Variants in KPNA7 observed in about 807,000 individuals in gnomAD.
KPNA7 encodes karyopherin subunit alpha 7.
KPNA7 carries 54 observed loss-of-function variants against 53.7 expected under a neutral mutation model. The observed-to-expected ratio is 1.01, with a 90% CI of 0.81 to 1.26. The LOEUF (loss-of-function observed/expected upper bound fraction) is 1.26, where lower values mean the gene tolerates loss of function less well. Among genes scored for constraint, KPNA7 ranks in the 50% most tolerant of loss-of-function variants. The probability of loss-of-function intolerance (pLI) is 0.00; values close to 1 mark genes in which losing one functional copy is unlikely to be tolerated. For missense variants in KPNA7, 640 were observed against 644.5 expected (o/e 0.99, Z 0.07); for synonymous variants, 276 against 259.3 (o/e 1.06, Z -0.62).
rs1299140611 is a variant in KPNA7, at chr7:99,177,999, C to G, written c.1385G>C (p.Arg462Thr). ...CTCATGCAGCTGTAAAGCCTCAATTCTATCGATCCCACCAAGTTCTTCTAT... is the reference window on the plus strand; with the variant it reads ...CTCATGCAGCTGTAAAGCCTCAATTGTATCGATCCCACCAAGTTCTTCTAT... ...LLIEELGGIDRIEALQLHENR... is the reference protein window; with the variant it reads ...LLIEELGGIDTIEALQLHENR... Residue 462 changes from arginine to threonine, a missense_variant, in exon 10 of 11, where the codon AGA (arginine) becomes ACA (threonine). Arg to Thr is a moderately conservative substitution (Grantham distance 71). Coordinates refer to ENST00000327442, the MANE Select transcript of KPNA7 (RefSeq NM_001145715.3). 4 of 1,551,860 alleles carry G rather than the reference C, an allele frequency of 2.6e-6. No individual in the cohort carries two copies. The highest frequency in any genetic ancestry group is 2.6e-6 in the Non-Finnish European group (3 of 1,147,036).
chr7:99,178,197 C>G (rs1798993737), intron 9 of KPNA7, 131 bp from the exon 10 acceptor site: 2 of 751,416 alleles, frequency 2.7e-6, no homozygotes, highest in Admixed American at 6.0e-5. Context: ...TGGATAGTTG[C>G]AATTTCACTT....
chr7:99,170,309 G>A (rs1404705011), downstream of KPNA7, among the ~76,000 whole-genome samples: 2 of 152,014 alleles, frequency 1.3e-5, no homozygotes, highest in African/African-American at 4.8e-5. Context: ...TGAAGAAGGA[G>A]GCTTGAAAAG....
chr7:99,155,556 T>G, the KPNA7 span, among the ~76,000 whole-genome samples: 1 of 151,972 alleles, frequency 6.6e-6, no homozygotes, highest in African/African-American at 2.4e-5. Flanking sequence ...AAGAAACAGA[T>G]TTATGGGGTT....
In KPNA7 at chr7:99,184,950, G is replaced by A; in HGVS notation, c.1113C>T (p.Pro371=). 2 of 1,552,030 alleles carry A rather than the reference G, an allele frequency of 1.3e-6. No individual in the cohort carries two copies. Among genetic ancestry groups the A allele is most frequent in the South Asian group, 1.2e-5 (1 of 84,062 alleles). ...TTACGTTTTTTAGCAGAGCCACCAA[G>A]GGAGGCAAGACGTCGTAGGCAAGCA... is the stretch of plus-strand genomic sequence containing the variant. ...QQLLAYDVLP[P]LVALLKNGEF... The change falls in exon 8 of 11, where the codon CCC becomes CCT. Residue 371 remains proline (P), a synonymous_variant. Coordinates refer to ENST00000327442, the MANE Select transcript of KPNA7 (RefSeq NM_001145715.3).
intron 1 of KPNA7, among the ~76,000 whole-genome samples, chr7:99,214,429 C>A (rs939699500): frequency 6.8e-6 from 1 of 147,530 alleles, no homozygotes. Context: ...GGTGACAGAG[C>A]AAGACCCTAT....
chr7:99,183,056 G>A (rs1027277062), intron 8 of KPNA7, among the ~76,000 whole-genome samples: 1 of 152,128 alleles, frequency 6.6e-6, no homozygotes, highest in Admixed American at 6.6e-5. Context: ...AGGTGTTAGA[G>A]ACTAGCCTGG....
chr7:99,196,704 A>G (rs1790246951), intron 3 of KPNA7, among the ~76,000 whole-genome samples: 1 of 151,814 alleles, frequency 6.6e-6, no homozygotes, highest in East Asian at 1.9e-4. Context: ...CCAACAGTCC[A>G]CAATCATTGT....
intron 5 of KPNA7, among the ~76,000 whole-genome samples, chr7:99,193,659 T>C (rs1157803089): frequency 2.0e-5 from 3 of 151,196 alleles, no homozygotes; most frequent in Non-Finnish European, 4.4e-5. Flanking sequence ...TTTTTCCTCC[T>C]GCAGCCTTTT....
intron 9 of KPNA7, among the ~76,000 whole-genome samples, chr7:99,181,096 C>T (rs1176562259): frequency 7.2e-5 from 1 of 13,840 alleles, no homozygotes; most frequent in African/African-American, 1.5e-4. Flanking sequence ...TCTCTCTCTC[C>T]GTCTGTGTCT....
upstream of KPNA7, among the ~76,000 whole-genome samples, chr7:99,212,708 G>A (rs1396002834): frequency 6.6e-6 from 1 of 151,746 alleles, no homozygotes; most frequent in African/African-American, 2.4e-5. Flanking sequence ...TCAGCAAAAT[G>A]GTGAGACCCT....
downstream of KPNA7, among the ~76,000 whole-genome samples, chr7:99,170,785 A>G (rs1429573759): frequency 6.6e-6 from 1 of 152,180 alleles, no homozygotes; most frequent in Non-Finnish European, 1.5e-5. Flanking sequence ...GAGACAGGGG[A>G]AGAGAGTCAT....
intron 1 of KPNA7, among the ~76,000 whole-genome samples, chr7:99,216,926 T>C (rs1584328230): frequency 6.6e-6 from 1 of 152,182 alleles, no homozygotes; most frequent in Admixed American, 6.5e-5. Flanking sequence ...TTATTAACGG[T>C]ATTGAGTCGC....
intron 10 of KPNA7, among the ~76,000 whole-genome samples, chr7:99,176,837 G>T (rs561490043): frequency 3.3e-5 from 5 of 152,006 alleles, no homozygotes; most frequent in Non-Finnish European, 7.4e-5. Context: ...CAACCATTGC[G>T]GCCATTGCCT....
At chr7:99,175,285 C>T (rs73147644) in intron 10 of KPNA7, among the ~76,000 whole-genome samples, 325 of 152,230 alleles carry the variant, frequency 2.1e-3, no homozygotes, top group Middle Eastern at 3.4e-3. Context: ...TCAAGCAATC[C>T]TCCCACTGTA....
chr7:99,192,281 G>A (rs1352818631), intron 6 of KPNA7, among the ~76,000 whole-genome samples: 2 of 152,174 alleles, frequency 1.3e-5, no homozygotes, highest in Admixed American at 1.3e-4. Context: ...GGAGATTTCA[G>A]TCATCTATTT....
chr7:99,203,336 A>G lies in KPNA7; in HGVS notation c.67-96T>C, dbSNP rs1790646204. On this transcript the variant is annotated intron_variant, in intron 2 of 10. Transcript: ENST00000327442. ...TTTCAAAGCATCCAATTTCATTTTT[A>G]CAGATACAATAGGCTGGAAAAGTTC... is the stretch of plus-strand genomic sequence containing the variant. 3.8e-6 allele frequency: 5 copies of G among 1,299,998 alleles called. No individual in the cohort carries two copies. The East Asian group carries it at 7.6e-5, about 20-fold the overall frequency. 80.5% of individuals were successfully genotyped at this position (1,299,998 alleles called of 1,614,324 possible).
chr7:99,159,348 CAAAAAA>C, the KPNA7 span, among the ~76,000 whole-genome samples: 11 of 58,162 alleles, frequency 1.9e-4, no homozygotes, highest in East Asian at 5.9e-4. Context: ...GACACTGTCT[CAAAAAA>C]AAAAAAAAAA....
chr7:99,156,611 G>A, the KPNA7 span, among the ~76,000 whole-genome samples: 4 of 151,802 alleles, frequency 2.6e-5, no homozygotes, highest in African/African-American at 2.4e-5. Context: ...TGCAACCTCC[G>A]CCTCCCAGGT....
chr7:99,163,574 A>G, the KPNA7 span, among the ~76,000 whole-genome samples: 28 of 150,006 alleles, frequency 1.9e-4, no homozygotes, highest in Non-Finnish European at 4.4e-5. Context: ...TTTTATAGAG[A>G]TGGAGTCATG....
Sources: gnomAD v4.1 joint callset for allele counts (sites outside exome capture counted in the v4.1 genomes callset) on GRCh38, gnomAD v4.1.1 for gene constraint, MANE v1.5 for transcripts, NCBI Gene and HGNC (gene_info 2026-07-23, HGNC 2026-07-21) for gene names.